The following TPRA1 variants were observed in gnomAD, a reference collection of about 807,000 sequenced individuals.
TPRA1 encodes the protein transmembrane protein adipocyte associated 1, also known as transmembrane protein adipocyte-associated 1.
A neutral mutation model predicts 40.1 loss-of-function variants in TPRA1; 28 were observed. The ratio of observed to expected loss-of-function variants is 0.70; its 90% confidence interval spans 0.52 to 0.96. The LOEUF (loss-of-function observed/expected upper bound fraction) is 0.96. TPRA1 is among the 40% of genes least tolerant of loss of function. The pLI, the probability that TPRA1 is intolerant of heterozygous loss-of-function variation, is 0.00. For missense variants in TPRA1, 441 were observed against 482.6 expected (o/e 0.91, Z 0.81); for synonymous variants, 219 against 209.7 (o/e 1.04, Z -0.38).
At chr3:127,584,851 T>A (rs999204391) in intron 1 of TPRA1, among the ~76,000 whole-genome samples, 2 of 152,142 alleles carry the variant, frequency 1.3e-5, no homozygotes, top group African/African-American at 4.8e-5. Context: ...TATAAACATA[T>A]GACACGAGCA....
In TPRA1 at chr3:127,575,488, C is replaced by A. The variant is rs1236339219; in HGVS notation, c.688G>T (p.Val230Leu). 10 of 1,587,488 alleles carry A rather than the reference C, an allele frequency of 6.3e-6. No individual in the cohort carries two copies. The highest frequency in any genetic ancestry group is 1.8e-5 in the Admixed American group (1 of 55,462). ...ISLPSRRSFY[V>L]YAGILALLNL... Reference sequence around the variant, plus strand: ...AGCAGTGCCAGGATGCCCGCATACACGTAGAAGCTCCTCCGAGCTGGGGGC... The same window carrying A: ...AGCAGTGCCAGGATGCCCGCATACAAGTAGAAGCTCCTCCGAGCTGGGGGC... The change falls in exon 9 of 11, where the codon GTG becomes TTG. Residue 230 changes from valine to leucine, a missense_variant. Transcript: ENST00000355552.
rs1455935086 is a variant in TPRA1 at position 127,575,462 on chromosome 3, G to A, written c.714C>T (p.Leu238=). 10 of 1,602,932 alleles carry A rather than the reference G, an allele frequency of 6.2e-6. No homozygotes were observed. Among genetic ancestry groups the A allele is most frequent in the Middle Eastern group, 1.7e-4 (1 of 6,020 alleles). ...CACTCCCCAGCCCCTGCAGTAGGTT[G>A]AGCAGTGCCAGGATGCCCGCATACA... The part of the protein sequence containing the change: ...FYVYAGILAL[L]NLLQGLGSVL... The change falls in exon 9 of 11, where the codon CTC becomes CTT. Residue 238 remains leucine, a synonymous_variant. Transcript: ENST00000355552.
At chr3:127,592,606 CG>C (rs1559856008), upstream of TPRA1, among the ~76,000 whole-genome samples, 3 of 151,532 alleles carry the variant, frequency 2.0e-5, no homozygotes. Flanking sequence ...AGGATGGTCT[CG>C]ATCTCCTGAC....
intron 1 of TPRA1, among the ~76,000 whole-genome samples, chr3:127,583,079 T>C (rs1447441774): frequency 7.4e-6 from 1 of 135,584 alleles, no homozygotes; most frequent in Non-Finnish European, 1.6e-5. Context: ...CCGGGAGGCA[T>C]AGGTTACGTT....
chr3:127,576,522 AGGTG>A lies in TPRA1; in HGVS notation c.498+91_498+94del. On this transcript the variant is annotated intron_variant, in intron 6 of 10. Coordinates refer to ENST00000355552, the MANE Select transcript of TPRA1 (RefSeq NM_001136053.4). The surrounding 1 kb of genome is among the most constrained non-coding windows in gnomAD (Gnocchi z 4.6). ...AGGTGCAAAGTTTTGAGAACTCTGA[AGGTG>A]ATAAAGACTGGAAACCTGACCCAGA... The A allele has an allele frequency of 8.4e-7, 1 of 1,193,578 alleles. No individual in the cohort carries two copies. The highest frequency in any genetic ancestry group is 1.2e-6 in the Non-Finnish European group (1 of 858,260). 73.9% of individuals were successfully genotyped at this position (1,193,578 alleles called of 1,614,324 possible).
At chr3:127,585,261 T>C (rs2073965205) in intron 1 of TPRA1, among the ~76,000 whole-genome samples, 1 of 152,262 alleles carries the variant, frequency 6.6e-6, no homozygotes, top group African/African-American at 2.4e-5. Context: ...GAGAATCACC[T>C]AAGATCCAGA....
At chr3:127,575,087 G>A in intron 10 of TPRA1, 98 bp downstream of exon 10, 3 of 1,313,594 alleles carry the variant, frequency 2.3e-6, no homozygotes, top group South Asian at 1.2e-5. Flanking sequence ...CGCACTGTAT[G>A]CATACACAGC....
chr3:127,594,740 G>C (rs940059375), upstream of TPRA1: 3 of 152,308 alleles, frequency 2.0e-5, no homozygotes, highest in Non-Finnish European at 2.9e-5. Flanking sequence ...TTCTTACGGA[G>C]GAAAAAGGCT....
intron 1 of TPRA1, among the ~76,000 whole-genome samples, chr3:127,596,109 C>T (rs1003400271): frequency 8.6e-5 from 13 of 151,222 alleles, no homozygotes; most frequent in Non-Finnish European, 1.8e-4. Flanking sequence ...GATAGAGTTT[C>T]GCTCTTTTTG....
chr3:127,577,159 C>T (rs959897697), intron 3 of TPRA1, 83 bp from the exon 4 acceptor site: 5 of 1,414,584 alleles, frequency 3.5e-6, no homozygotes, highest in African/African-American at 1.4e-5. Context: ...CCCATATCTA[C>T]AGGAGCCTTT....
At position 127,575,633 on chromosome 3, in the gene TPRA1, TCTCCAGCTCCCAGCCTGGAACTCTACAG is replaced by T. The variant is rs1184080010; in HGVS notation, c.670+88_670+115del. ...TCTAGGCCTCCCTCTCACCCAGGGCTCTCCAGCTCCCAGCCTGGAACTCTACAGCTCCAGCTCCCAGCTACCAGCTCTA... is the reference window on the plus strand; with the variant it reads ...TCTAGGCCTCCCTCTCACCCAGGGCTCTCCAGCTCCCAGCTACCAGCTCTA... On this transcript the variant is annotated intron_variant, in intron 8 of 10. Coordinates refer to ENST00000355552, the MANE Select transcript of TPRA1 (RefSeq NM_001136053.4). The T allele has an allele frequency of 1.8e-5, 27 of 1,492,638 alleles. No homozygotes were observed. In the African/African-American group the frequency reaches 2.4e-4, roughly 13 times the overall value. 92.5% of individuals were successfully genotyped at this position (1,492,638 alleles called of 1,614,324 possible). A position where few individuals can be genotyped will look rare whatever the true frequency, so the allele number is the denominator to read the frequency against.
chr3:127,583,205 C>T (rs557777985), intron 1 of TPRA1, among the ~76,000 whole-genome samples: 235 of 148,810 alleles, frequency 1.6e-3, no homozygotes, highest in Admixed American at 2.2e-3. Context: ...CCCAGCTACT[C>T]AGGAGGCTGA....
In TPRA1 at chr3:127,573,543, C is replaced by T. The variant is rs576865290; in HGVS notation, c.1100G>A (p.Arg367His). ...TGSINSTDSE[R>H]WKAINA ...CCCTCAGGCATTGATGGCCTTCCAG[C>T]GCTCGCTGTCTGTGCTGTTGATGCT... Residue 367 changes from arginine to histidine, a missense_variant, in exon 11 of 11, where the codon CGC (arginine) becomes CAC (histidine). Arg to His is a conservative substitution (Grantham distance 29, BLOSUM62 0). Coordinates refer to ENST00000355552, the MANE Select transcript of TPRA1 (RefSeq NM_001136053.4). 5.6e-6 allele frequency: 9 copies of T among 1,612,508 alleles called. No homozygotes were observed. The highest frequency in any genetic ancestry group is 2.2e-5 in the East Asian group (1 of 44,876).
chr3:127,596,909 G>A (rs1047563847), intron 1 of TPRA1, among the ~76,000 whole-genome samples: 2 of 152,202 alleles, frequency 1.3e-5, no homozygotes, highest in Non-Finnish European at 2.9e-5. Flanking sequence ...CTTGTCAGGA[G>A]TTGGAGACCA....
At chr3:127,586,505 T>C (rs2074004567) in intron 1 of TPRA1, among the ~76,000 whole-genome samples, 1 of 152,158 alleles carries the variant, frequency 6.6e-6, no homozygotes, top group Non-Finnish European at 1.5e-5. Flanking sequence ...ATCACAAGTG[T>C]GCACCACCAC....
At chr3:127,585,953 G>A (rs1028575577) in intron 1 of TPRA1, among the ~76,000 whole-genome samples, 2 of 152,198 alleles carry the variant, frequency 1.3e-5, no homozygotes, top group African/African-American at 4.8e-5. Flanking sequence ...GTCCAGGGCT[G>A]CCAAATGTCT....
upstream of TPRA1, chr3:127,594,662 A>G (rs1007935493): frequency 1.3e-5 from 2 of 152,258 alleles, no homozygotes; most frequent in Non-Finnish European, 2.9e-5. Flanking sequence ...AATCCGTTGT[A>G]CATCCACATC....
rs1352048591 is a variant in TPRA1, at chr3:127,590,525, A to T, written c.-133T>A. ...CCGCGGGACTCCGGCCTCCAGCGCCAGACCAGGCGGCCTGGGCCGGGAAGC... is the reference window on the plus strand; with the variant it reads ...CCGCGGGACTCCGGCCTCCAGCGCCTGACCAGGCGGCCTGGGCCGGGAAGC... On this transcript the variant is annotated 5_prime_UTR_variant, in exon 1 of 11. Coordinates refer to ENST00000355552, the MANE Select transcript of TPRA1 (RefSeq NM_001136053.4). The T allele has an allele frequency of 6.6e-6, 1 of 152,156 alleles. No homozygotes were observed. Among genetic ancestry groups the T allele is most frequent in the Admixed American group, 6.5e-5 (1 of 15,290 alleles). The allele number at this position is 152,156 out of a possible 1,614,324, so 9.4% of individuals were successfully genotyped here.
At chr3:127,586,044 C>G (rs1200729375) in intron 1 of TPRA1, among the ~76,000 whole-genome samples, 1 of 152,180 alleles carries the variant, frequency 6.6e-6, no homozygotes, top group Non-Finnish European at 1.5e-5. Context: ...TGGCTCTGGT[C>G]GAAGTCAAGA....
Sources: gnomAD v4.1 joint callset for allele counts (sites outside exome capture counted in the v4.1 genomes callset) on GRCh38, gnomAD v4.1.1 for gene constraint, Gnocchi (gnomAD v3.1) non-coding constraint, MANE v1.5 for transcripts, NCBI Gene and HGNC (gene_info 2026-07-23, HGNC 2026-07-21) for gene names.